MILR1: variants seen among roughly 807,000 people sequenced by gnomAD.
MILR1 encodes mast cell immunoglobulin like receptor 1, also known as allergin-1.
Under a neutral mutation model 18.5 loss-of-function variants are expected in MILR1, and 31 were observed. That is an observed-to-expected ratio of 1.68 (90% CI 1.26 to 2.26). The LOEUF is 2.26. Ranked by LOEUF, MILR1 falls within the 30% of genes most tolerant of loss-of-function variation. The probability of loss-of-function intolerance (pLI) is 0.00; values close to 1 mark genes in which losing one functional copy is unlikely to be tolerated. For missense variants in MILR1, 257 were observed against 157.4 expected, an observed-to-expected ratio of 1.63 and a Z score of -3.38; for synonymous variants, 85 against 56.2, an observed-to-expected ratio of 1.51 and a Z score of -2.30.
At chr17:64,496,704 C>T in the MILR1 span, 1 of 1,614,090 alleles carries the variant, frequency 6.2e-7, no homozygotes. Flanking sequence ...AGAAGAGAAT[C>T]CCGGCTAAGC....
At chr17:64,481,257 A>G in the MILR1 span, 1 of 985,038 alleles carries the variant, frequency 1.0e-6, no homozygotes, top group Non-Finnish European at 1.2e-6. Context: ...CTGGGAGAAA[A>G]TGTGGGACAT....
the MILR1 span, chr17:64,497,173 A>T: frequency 4.6e-6 from 3 of 645,800 alleles, no homozygotes; most frequent in Non-Finnish European, 8.4e-6. Flanking sequence ...GCCGGCTCGG[A>T]TGGTTCTCTG....
chr17:64,476,292 AGTGTT>A, the MILR1 span, among the ~76,000 whole-genome samples: 18 of 152,338 alleles, frequency 1.2e-4, no homozygotes, highest in African/African-American at 3.8e-4. Flanking sequence ...GATATCATGT[AGTGTT>A]ATTTTTTTAA....
chr17:64,485,098 A>C, the MILR1 span: 1 of 152,164 alleles, frequency 6.6e-6, no homozygotes, highest in South Asian at 2.1e-4. Flanking sequence ...CTGCTGTTTC[A>C]AATATCTCCT....
the MILR1 span, among the ~76,000 whole-genome samples, chr17:64,475,875 G>A: frequency 1.2e-4 from 17 of 142,194 alleles, no homozygotes; most frequent in South Asian, 2.3e-4. Context: ...GTACAATGGC[G>A]CGATCTTGGC....
chr17:64,464,679 G>A (rs2037509735), intron 5 of MILR1, among the ~76,000 whole-genome samples: 1 of 152,216 alleles, frequency 6.6e-6, no homozygotes, highest in African/African-American at 2.4e-5. Flanking sequence ...AGTGGCTCAT[G>A]CCTGTAGTCC....
At chr17:64,484,416 G>C in the MILR1 span, among the ~76,000 whole-genome samples, 1 of 152,306 alleles carries the variant, frequency 6.6e-6, no homozygotes, top group African/African-American at 2.4e-5. Flanking sequence ...AGTGCTGCTG[G>C]AGCAGACTGA....
Position 64,467,551 on chromosome 17 carries a change from C to G in MILR1, c.980-14C>G, listed in dbSNP as rs1173057021. 6 of 1,468,764 alleles carry G rather than the reference C, an allele frequency of 4.1e-6. No homozygotes were observed. Among genetic ancestry groups the G allele is most frequent in the African/African-American group, 2.8e-5 (2 of 71,168 alleles). The allele number at this position is 1,468,764 out of a possible 1,614,324, so 91.0% of individuals were successfully genotyped here. A position where few individuals can be genotyped will look rare whatever the true frequency, so the allele number is the denominator to read the frequency against. On this transcript the variant is annotated splice_polypyrimidine_tract_variant and intron_variant, in intron 8 of 9. Coordinates refer to ENST00000619286, the MANE Select transcript of MILR1 (RefSeq NM_001085423.2). ...ACATATCCTAAGTAAATTATTTTCCCTTTTATATTTCAGAAGCCTGTGATT... is the reference window on the plus strand; with the variant it reads ...ACATATCCTAAGTAAATTATTTTCCGTTTTATATTTCAGAAGCCTGTGATT...
chr17:64,492,749 G>T, the MILR1 span: 45 of 1,612,444 alleles, frequency 2.8e-5, no homozygotes, highest in Non-Finnish European at 1.3e-5. Flanking sequence ...CCATACTAAC[G>T]AAGCTTCAGT....
At chr17:64,470,353 CA>C (rs1459022953), downstream of MILR1, among the ~76,000 whole-genome samples, 2 of 152,180 alleles carry the variant, frequency 1.3e-5, no homozygotes, top group Non-Finnish European at 2.9e-5. Flanking sequence ...CTTGGCCTCC[CA>C]AAGTGCTGGG....
At chr17:64,461,426 T>G (rs1262648591) in intron 5 of MILR1, among the ~76,000 whole-genome samples, 1 of 151,856 alleles carries the variant, frequency 6.6e-6, no homozygotes, top group Non-Finnish European at 1.5e-5. Context: ...TTTTTGTATT[T>G]TTAGTAGAGA....
Position 64,452,595 on chromosome 17 carries a change from A to G in MILR1, c.98-2A>G, listed in dbSNP as rs1291360252. 2 of 415,186 alleles carry G rather than the reference A, an allele frequency of 4.8e-6. No homozygotes were observed. Among genetic ancestry groups the G allele is most frequent in the Admixed American group, 8.8e-5 (2 of 22,776 alleles). The allele number at this position is 415,186 out of a possible 1,614,324, so 25.7% of individuals were successfully genotyped here. On this transcript the variant is annotated splice_acceptor_variant, in intron 2 of 9. Coordinates refer to ENST00000619286, the MANE Select transcript of MILR1 (RefSeq NM_001085423.2). LOFTEE classifies it high-confidence loss of function. ...TTTTTCTTGTGTCATTTTGTTTTTC[A>G]GAATTCCCTTCTCCATGTTTGGACT...
chr17:64,483,093 TAACA>T, the MILR1 span: 3 of 666,390 alleles, frequency 4.5e-6, no homozygotes, highest in South Asian at 3.5e-5. Context: ...ACACAAGTAT[TAACA>T]AACAGTTTCT....
chr17:64,461,239 G>GTTTATTTA (rs1254231430), intron 5 of MILR1, among the ~76,000 whole-genome samples: 2 of 151,844 alleles, frequency 1.3e-5, no homozygotes, highest in Non-Finnish European at 2.9e-5. Flanking sequence ...TTTGGTATTT[G>GTTTATTTA]TTTATTTATT....
chr17:64,488,350 T>C, the MILR1 span, among the ~76,000 whole-genome samples: 99 of 152,294 alleles, frequency 6.5e-4, no homozygotes, highest in African/African-American at 2.3e-3. Flanking sequence ...AACAATGTCA[T>C]GGAAGAGAAA....
chr17:64,477,329 C>T, the MILR1 span, among the ~76,000 whole-genome samples: 4 of 152,202 alleles, frequency 2.6e-5, no homozygotes, highest in African/African-American at 9.6e-5. Flanking sequence ...GATGTAAAGA[C>T]ATCTCCCGAC....
At chr17:64,452,532 C>T (rs1471709528) in intron 2 of MILR1, 65 bp from the exon 3 acceptor site, 3 of 411,674 alleles carry the variant, frequency 7.3e-6, no homozygotes, top group Non-Finnish European at 1.3e-5. Flanking sequence ...GGATTACAGG[C>T]GTGAACCACC....
intron 9 of MILR1, 27 bp downstream of exon 9, chr17:64,467,672 T>C: frequency 7.0e-7 from 1 of 1,431,894 alleles, no homozygotes; most frequent in Non-Finnish European, 9.6e-7. Context: ...GAAGCTGATT[T>C]CCATGAACAA....
chr17:64,475,478 A>G, the MILR1 span, among the ~76,000 whole-genome samples: 1 of 151,632 alleles, frequency 6.6e-6, no homozygotes, highest in African/African-American at 2.4e-5. Context: ...GAGAAACCCC[A>G]TCTCTACTAA....
Sources: allele counts gnomAD v4.1 joint callset (sites outside exome capture counted in the v4.1 genomes callset), GRCh38; gene constraint gnomAD v4.1.1; transcripts MANE v1.5; gene names NCBI Gene and HGNC (gene_info 2026-07-23, HGNC 2026-07-21).